The following LRRFIP2 variants were observed in gnomAD, a reference collection of about 807,000 sequenced individuals.
LRRFIP2 encodes the protein LRR binding FLII interacting protein 2, also known as leucine-rich repeat flightless-interacting protein 2.
Under a neutral mutation model 125.9 loss-of-function variants are expected in LRRFIP2, and 109 were observed. The observed-to-expected ratio is 0.87, with a 90% confidence interval of 0.74 to 1.01. The LOEUF is 1.01. LRRFIP2 is among the 50% of genes least tolerant of loss of function. The pLI, the probability that LRRFIP2 is intolerant of heterozygous loss-of-function variation, is 0.00. For synonymous variants in LRRFIP2, 291 were observed against 293.1 expected, an observed-to-expected ratio of 0.99 and a Z score of 0.07; for missense variants, 850 against 862.3, an observed-to-expected ratio of 0.99 and a Z score of 0.18.
intron 3 of LRRFIP2, 46 bp downstream of exon 3, chr3:37,129,016 AT>A: frequency 6.5e-7 from 1 of 1,543,840 alleles, no homozygotes; most frequent in Non-Finnish European, 9.0e-7. Flanking sequence ...CCAAGTACTG[AT>A]TTTGGGGGAG....
At chr3:37,165,693 T>C (rs2096462856) in intron 1 of LRRFIP2, among the ~76,000 whole-genome samples, 1 of 149,992 alleles carries the variant, frequency 6.7e-6, no homozygotes, top group South Asian at 2.1e-4. Flanking sequence ...TGGTGGAGGT[T>C]GCAGTGAGCC....
chr3:37,065,857 G>A lies in LRRFIP2; in HGVS notation c.1652C>T (p.Ser551Phe), dbSNP rs1027694139. ...EPVAGAITVV[S>F]QEAAQVLESA... ...CTCCAAGACCTGAGCAGCTTCCTGAGACACAACAGTGATGGCTCCAGCCAC... is the reference window on the plus strand; with the variant it reads ...CTCCAAGACCTGAGCAGCTTCCTGAAACACAACAGTGATGGCTCCAGCCAC... Residue 551 changes from serine to phenylalanine, a missense_variant, in exon 23 of 28, where the codon TCT (serine) becomes TTT (phenylalanine). Physicochemically the swap from Ser to Phe is radical, Grantham distance 155. Transcript: ENST00000336686. 8 of 1,614,046 alleles carry A rather than the reference G, an allele frequency of 5.0e-6. No homozygotes were observed. The highest frequency in any genetic ancestry group is 6.8e-6 in the Non-Finnish European group (8 of 1,180,018).
chr3:37,066,039 A>G, intron 22 of LRRFIP2, 97 bp from the exon 23 acceptor site: 1 of 1,522,934 alleles, frequency 6.6e-7, no homozygotes, highest in Non-Finnish European at 9.1e-7. Flanking sequence ...CTACAGGTAA[A>G]ACCTGGTTAG....
chr3:37,123,479 A>G (rs2095153260), intron 4 of LRRFIP2, among the ~76,000 whole-genome samples: 1 of 152,186 alleles, frequency 6.6e-6, no homozygotes, highest in African/African-American at 2.4e-5. Context: ...ATGAGCCACC[A>G]TGCCTGGCCA....
chr3:37,085,682 C>T (rs1003887879), intron 18 of LRRFIP2, among the ~76,000 whole-genome samples: 1 of 151,108 alleles, frequency 6.6e-6, no homozygotes, highest in Non-Finnish European at 1.5e-5. Context: ...CCCGGGTTCA[C>T]GCGATTCTCC....
chr3:37,128,021 A>G (rs1421727348), intron 3 of LRRFIP2, among the ~76,000 whole-genome samples: 3 of 152,210 alleles, frequency 2.0e-5, no homozygotes, highest in Non-Finnish European at 4.4e-5. Context: ...TCCCAGGCTC[A>G]AGTGATCCTC....
intron 6 of LRRFIP2, among the ~76,000 whole-genome samples, chr3:37,118,783 T>C (rs184827707): frequency 6.6e-6 from 1 of 152,334 alleles, no homozygotes; most frequent in African/African-American, 2.4e-5. Context: ...AAACATCAAA[T>C]ACTACGTTCA....
intron 2 of LRRFIP2, 37 bp downstream of exon 2, chr3:37,148,857 T>G (rs1173012653): frequency 3.1e-6 from 5 of 1,612,498 alleles, no homozygotes; most frequent in Non-Finnish European, 4.2e-6. Flanking sequence ...AATACATCTG[T>G]GCAACTCAGT....
chr3:37,094,828 G>A lies in LRRFIP2; in HGVS notation c.999C>T (p.Ser333=), dbSNP rs754691114. 7.4e-6 allele frequency: 12 copies of A among 1,613,770 alleles called. No individual in the cohort carries two copies. Among genetic ancestry groups the A allele is most frequent in the Non-Finnish European group, 9.3e-6 (11 of 1,179,834 alleles). Residue 333 remains serine (S), a synonymous_variant, in exon 17 of 28, where the codon AGC becomes AGT. Coordinates refer to ENST00000336686, the MANE Select transcript of LRRFIP2 (RefSeq NM_006309.4). ...SSRRGSGDTS[S]LIDPDTSLSE... ...TTAATGAAGTGTCTGGATCTATTAA[G>A]CTGCTGGTGTCCCCACTTCCTCGTC...
chr3:37,145,025 A>C (rs2095821232), intron 2 of LRRFIP2, among the ~76,000 whole-genome samples: 1 of 152,220 alleles, frequency 6.6e-6, no homozygotes, highest in African/African-American at 2.4e-5. Flanking sequence ...TAAGAGACAT[A>C]ATATTTACTG....
chr3:37,062,604 CA>C (rs2089087371), intron 24 of LRRFIP2, among the ~76,000 whole-genome samples: 1 of 152,110 alleles, frequency 6.6e-6, no homozygotes. Flanking sequence ...GATCACAAAT[CA>C]GAAAAGATCA....
chr3:37,054,469 T>C lies in LRRFIP2; in HGVS notation c.1997A>G (p.Glu666Gly). 1 of 1,614,104 alleles carries C rather than the reference T, an allele frequency of 6.2e-7. No individual in the cohort carries two copies. The highest frequency in any genetic ancestry group is 8.5e-7 in the Non-Finnish European group (1 of 1,179,988). Residue 666 changes from glutamate to glycine, a missense_variant, in exon 27 of 28, where the codon GAG becomes GGG. Coordinates refer to ENST00000336686, the MANE Select transcript of LRRFIP2 (RefSeq NM_006309.4). Reference sequence around the variant, plus strand: ...TTCATCTTCAACTTTCTCAGCATTCTCAGCAGCAGTTTTATATCTCAGAAC... The same window carrying C: ...TTCATCTTCAACTTTCTCAGCATTCCCAGCAGCAGTTTTATATCTCAGAAC... ...GQVLRYKTAA[E>G]NAEKVEDELK...
chr3:37,062,878 G>C (rs2148725010), intron 24 of LRRFIP2, among the ~76,000 whole-genome samples: 1 of 152,232 alleles, frequency 6.6e-6, no homozygotes, highest in East Asian at 1.9e-4. Context: ...AGAAAGGCAT[G>C]AGACACCGGA....
In LRRFIP2 at chr3:37,053,762, G is replaced by A. The variant is rs892860033; in HGVS notation, c.*89C>T. ...TGTTTTAATGACAAAACTCAAAACA[G>A]TACTAAAAGGGGTTTGTGTCAATGG... On this transcript the variant is annotated 3_prime_UTR_variant, in exon 28 of 28. Coordinates refer to ENST00000336686, the MANE Select transcript of LRRFIP2 (RefSeq NM_006309.4). 3 of 798,268 alleles carry A rather than the reference G, an allele frequency of 3.8e-6. No individual in the cohort carries two copies. The highest frequency in any genetic ancestry group is 2.4e-5 in the East Asian group (1 of 40,958). The allele number at this position is 798,268 out of a possible 1,614,324, so 49.4% of individuals were successfully genotyped here. A position where few individuals can be genotyped will look rare whatever the true frequency, so the allele number is the denominator to read the frequency against.
intron 19 of LRRFIP2, among the ~76,000 whole-genome samples, chr3:37,083,280 T>A (rs139016414): frequency 1.3e-5 from 2 of 152,218 alleles, no homozygotes; most frequent in East Asian, 3.9e-4. Flanking sequence ...AAATGAATCA[T>A]CCTATTGAGA....
chr3:37,089,012 T>C (rs2093271230), intron 18 of LRRFIP2, among the ~76,000 whole-genome samples: 1 of 152,098 alleles, frequency 6.6e-6, no homozygotes, highest in Non-Finnish European at 1.5e-5. Flanking sequence ...TATATACCCT[T>C]GACTTCATAT....
intron 2 of LRRFIP2, among the ~76,000 whole-genome samples, chr3:37,131,634 C>T (rs2095431093): frequency 1.3e-5 from 2 of 152,186 alleles, no homozygotes; most frequent in Non-Finnish European, 2.9e-5. Context: ...GTTGTCTTCC[C>T]ATGTTGTTAT....
chr3:37,058,687 A>AG, intron 25 of LRRFIP2, 103 bp downstream of exon 25: 1 of 1,305,446 alleles, frequency 7.7e-7, no homozygotes, highest in Non-Finnish European at 1.1e-6. Context: ...AAAAAAAAAA[A>AG]AAAAGAAAAG....
chr3:37,141,999 C>G (rs1250288670), intron 2 of LRRFIP2, among the ~76,000 whole-genome samples: 4 of 152,120 alleles, frequency 2.6e-5, no homozygotes, highest in Non-Finnish European at 5.9e-5. Flanking sequence ...TTTCAAAGAG[C>G]TCCAAAATGT....
Sources: allele counts gnomAD v4.1 joint callset (sites outside exome capture counted in the v4.1 genomes callset), GRCh38; gene constraint gnomAD v4.1.1; transcripts MANE v1.5; gene names NCBI Gene and HGNC (gene_info 2026-07-23, HGNC 2026-07-21).